Variants in OSBPL1A observed in about 807,000 individuals in gnomAD.
OSBPL1A encodes oxysterol binding protein like 1A.
A neutral mutation model predicts 137.1 loss-of-function variants in OSBPL1A; 80 were observed. The observed-to-expected ratio is 0.58, with a 90% CI of 0.49 to 0.70. The LOEUF is 0.70. OSBPL1A is among the 30% of genes least tolerant of loss of function. OSBPL1A has a pLI of 0.00. For missense variants in OSBPL1A, 970 were observed against 1,129.4 expected, an observed-to-expected ratio of 0.86 and a Z score of 2.02; for synonymous variants, 365 against 389.7, an observed-to-expected ratio of 0.94 and a Z score of 0.75.
chr18:24,237,081 T>C (rs1216951223), intron 16 of OSBPL1A, among the ~76,000 whole-genome samples: 1 of 138,002 alleles, frequency 7.2e-6, no homozygotes, highest in Non-Finnish European at 1.7e-5. Context: ...CTTCCATTCA[T>C]GACTTAAAAA....
At chr18:24,267,490 G>C (rs1239838726) in intron 15 of OSBPL1A, among the ~76,000 whole-genome samples, 1 of 151,986 alleles carries the variant, frequency 6.6e-6, no homozygotes, top group Admixed American at 6.6e-5. Context: ...AAAATTACAA[G>C]TCAATCTTAC....
intron 1 of OSBPL1A, among the ~76,000 whole-genome samples, chr18:24,387,605 G>C (rs1006243512): frequency 1.1e-4 from 17 of 152,028 alleles, no homozygotes; most frequent in African/African-American, 3.6e-4. Context: ...TAAAGAGATG[G>C]GGACTCGCTT....
chr18:24,205,732 C>G (rs561132114), intron 17 of OSBPL1A, among the ~76,000 whole-genome samples: 2 of 152,236 alleles, frequency 1.3e-5, no homozygotes, highest in African/African-American at 4.8e-5. Context: ...ATTACAGTTT[C>G]AAAAGATGAT....
intron 2 of OSBPL1A, among the ~76,000 whole-genome samples, chr18:24,373,533 A>G (rs938040971): frequency 6.6e-5 from 10 of 152,118 alleles, no homozygotes; most frequent in African/African-American, 2.4e-4. Flanking sequence ...AGCAAAACTA[A>G]TTCTATCCTC....
rs563335483 is a variant in OSBPL1A at position 24,386,697 on chromosome 18, T to C, written c.-2-9162A>G. On this transcript the variant is annotated intron_variant, in intron 1 of 27. Coordinates refer to ENST00000319481, the MANE Select transcript of OSBPL1A (RefSeq NM_080597.4). ...AGTACAGGCCGGGCATGGTGGCTCA[T>C]GTTTGTAATCCCAGCACTTTGGGAG... Among the ~76,000 whole-genome samples, 4 of 152,258 alleles carry C rather than the reference T, an allele frequency of 2.6e-5. No individual in the cohort carries two copies. In the East Asian group the frequency reaches 7.7e-4, roughly 29 times the overall value.
In OSBPL1A at chr18:24,275,280, G is replaced by A. The variant is rs543834969; in HGVS notation, c.1281+5562C>T. Among the ~76,000 whole-genome samples, 7 of 152,318 alleles carry A rather than the reference G, an allele frequency of 4.6e-5. No individual in the cohort carries two copies. In the South Asian group the frequency reaches 1.2e-3, roughly 27 times the overall value. The stretch of plus-strand genomic sequence containing the variant: ...GGTCCCCAGAGAAGCAGAATGGAAG[G>A]AGACAGATGCCTCCAGCAAAAGGCT... On this transcript the variant is annotated intron_variant, in intron 15 of 27. Transcript: ENST00000319481.
intron 2 of OSBPL1A, among the ~76,000 whole-genome samples, chr18:24,369,503 G>T (rs1905445253): frequency 6.6e-6 from 1 of 152,148 alleles, no homozygotes; most frequent in South Asian, 2.1e-4. Flanking sequence ...CCACTGCAGG[G>T]AAAGAGCGAT....
At chr18:24,303,319 G>A (rs974945311) in intron 14 of OSBPL1A, among the ~76,000 whole-genome samples, 2 of 152,072 alleles carry the variant, frequency 1.3e-5, no homozygotes, top group Non-Finnish European at 2.9e-5. Context: ...TAGACATTCT[G>A]ACTCCAAAAC....
intron 15 of OSBPL1A, among the ~76,000 whole-genome samples, chr18:24,280,337 C>T (rs1463693629): frequency 1.3e-5 from 2 of 152,200 alleles, no homozygotes; most frequent in Non-Finnish European, 2.9e-5. Flanking sequence ...CCGCCTCAGC[C>T]TCCCAAAATG....
intron 17 of OSBPL1A, among the ~76,000 whole-genome samples, chr18:24,213,079 C>T (rs1262600321): frequency 6.6e-6 from 1 of 152,210 alleles, no homozygotes; most frequent in African/African-American, 2.4e-5. Flanking sequence ...TATCTTACAA[C>T]TTAGTCAGAG....
chr18:24,179,912 G>T (rs1431969886), intron 19 of OSBPL1A, 77 bp from the exon 20 acceptor site: 2 of 1,138,458 alleles, frequency 1.8e-6, no homozygotes, highest in Admixed American at 1.9e-5. Flanking sequence ...AAATTTTGCT[G>T]AAGACAGTAA....
intron 15 of OSBPL1A, among the ~76,000 whole-genome samples, chr18:24,274,140 A>G (rs2089789973): frequency 6.6e-6 from 1 of 150,470 alleles, no homozygotes; most frequent in African/African-American, 2.5e-5. Flanking sequence ...AGGCTGAGGC[A>G]GGAGAATTGC....
intron 16 of OSBPL1A, among the ~76,000 whole-genome samples, chr18:24,226,556 T>A (rs1311149255): frequency 6.6e-6 from 1 of 152,202 alleles, no homozygotes; most frequent in East Asian, 1.9e-4. Flanking sequence ...TTATCAACAA[T>A]CTGCTAAATT....
At chr18:24,300,872 C>T (rs1599636520) in intron 14 of OSBPL1A, among the ~76,000 whole-genome samples, 2 of 152,274 alleles carry the variant, frequency 1.3e-5, no homozygotes, top group African/African-American at 4.8e-5. Flanking sequence ...GGCTGCAGTG[C>T]AATCACATGA....
At chr18:24,342,047 A>C (rs1162806739) in intron 4 of OSBPL1A, among the ~76,000 whole-genome samples, 1 of 152,260 alleles carries the variant, frequency 6.6e-6, no homozygotes. Flanking sequence ...TCTGCCCAAC[A>C]GACCAAGATT....
intron 15 of OSBPL1A, among the ~76,000 whole-genome samples, chr18:24,247,927 C>A (rs2088952202): frequency 6.6e-6 from 1 of 152,056 alleles, no homozygotes; most frequent in Non-Finnish European, 1.5e-5. Context: ...TGGAAGACAA[C>A]CCGGGTTGCT....
At chr18:24,182,596 G>C (rs978846430) in intron 18 of OSBPL1A, among the ~76,000 whole-genome samples, 1 of 152,110 alleles carries the variant, frequency 6.6e-6, no homozygotes. Context: ...TGAAACTGGA[G>C]CGCAATCAAA....
At chr18:24,255,542 T>C (rs1246036717) in intron 15 of OSBPL1A, among the ~76,000 whole-genome samples, 1 of 152,028 alleles carries the variant, frequency 6.6e-6, no homozygotes. Context: ...AATGAAACCA[T>C]TTGTCTCTTA....
chr18:24,310,114 A>G (rs957396089), intron 13 of OSBPL1A, among the ~76,000 whole-genome samples: 2 of 151,958 alleles, frequency 1.3e-5, no homozygotes, highest in Non-Finnish European at 2.9e-5. Context: ...TTGGAGAGGA[A>G]CATGCAAAAC....
Sources: gnomAD v4.1 joint callset for allele counts (sites outside exome capture counted in the v4.1 genomes callset) on GRCh38, gnomAD v4.1.1 for gene constraint, MANE v1.5 for transcripts, NCBI Gene and HGNC (gene_info 2026-07-23, HGNC 2026-07-21) for gene names.